The following ZBTB7C variants were observed in gnomAD, a reference collection of about 807,000 sequenced individuals.
ZBTB7C encodes the protein zinc finger and BTB domain-containing protein 7C.
ZBTB7C carries 8 observed loss-of-function variants against 25.7 expected under a neutral mutation model. That is an observed-to-expected ratio of 0.31 (90% CI 0.18 to 0.56). ZBTB7C has a LOEUF of 0.56. Ranked by LOEUF, ZBTB7C falls within the 20% of genes least tolerant of loss-of-function variation. The probability of loss-of-function intolerance (pLI) is 0.91; values close to 1 mark genes in which losing one functional copy is unlikely to be tolerated. For missense variants in ZBTB7C, 824 were observed against 855.2 expected (o/e 0.96, Z 0.46); for synonymous variants, 394 against 369.0 (o/e 1.07, Z -0.78).
intron 1 of ZBTB7C, among the ~76,000 whole-genome samples, chr18:48,350,852 G>A (rs11662736): frequency 0.59 from 90,091 of 151,824 alleles, 27,368 homozygotes; most frequent in East Asian, 0.95. Flanking sequence ...TCCTGGATCC[G>A]TATATAAAAG....
chr18:48,154,463 C>T (rs114669402), intron 3 of ZBTB7C, among the ~76,000 whole-genome samples: 6,028 of 152,302 alleles, frequency 0.04, 131 homozygotes, highest in Middle Eastern at 0.086. Flanking sequence ...ATACCAAAAG[C>T]AAGACCAAGC....
chr18:48,043,810 A>G (rs904373266), intron 3 of ZBTB7C, among the ~76,000 whole-genome samples: 1 of 152,200 alleles, frequency 6.6e-6, no homozygotes, highest in Non-Finnish European at 1.5e-5. Flanking sequence ...CAAAAGAAAA[A>G]GTCTAAGAGA....
chr18:48,400,292 C>A (rs1022545616), intron 1 of ZBTB7C, among the ~76,000 whole-genome samples: 1 of 152,202 alleles, frequency 6.6e-6, no homozygotes, highest in Non-Finnish European at 1.5e-5. Context: ...TACCGCCACC[C>A]TCCTCGAACT....
chr18:48,381,112 T>A (rs1374340932), intron 1 of ZBTB7C, among the ~76,000 whole-genome samples: 1 of 152,208 alleles, frequency 6.6e-6, no homozygotes. Flanking sequence ...CTTGAAGACA[T>A]TCAAAGTTCC....
At chr18:48,117,999 TTC>T (rs1313131567) in intron 3 of ZBTB7C, among the ~76,000 whole-genome samples, 1 of 144,526 alleles carries the variant, frequency 6.9e-6, no homozygotes, top group Non-Finnish European at 1.5e-5. Flanking sequence ...CTTCTTCTTC[TTC>T]TTTTTTTTTT....
chr18:48,192,523 G>A (rs1272088078), intron 2 of ZBTB7C, among the ~76,000 whole-genome samples: 3 of 152,216 alleles, frequency 2.0e-5, no homozygotes, highest in Non-Finnish European at 4.4e-5. Flanking sequence ...GAGTGCAGTG[G>A]TGCGATCTTG....
chr18:48,315,799 T>C (rs545926405), intron 2 of ZBTB7C, among the ~76,000 whole-genome samples: 3 of 152,312 alleles, frequency 2.0e-5, no homozygotes, highest in South Asian at 4.1e-4. Flanking sequence ...CCAGCTCTGA[T>C]ACTTAGGGGT....
At chr18:48,316,104 G>C (rs534381305) in intron 2 of ZBTB7C, among the ~76,000 whole-genome samples, 1 of 151,842 alleles carries the variant, frequency 6.6e-6, no homozygotes, top group South Asian at 2.1e-4. Flanking sequence ...CTGGACACCC[G>C]GCTCCTGCTG....
intron 1 of ZBTB7C, among the ~76,000 whole-genome samples, chr18:48,347,759 TGGAGTTTTCCAGCA>T (rs1247256132): frequency 6.6e-6 from 1 of 152,120 alleles, no homozygotes; most frequent in Non-Finnish European, 1.5e-5. Context: ...AAAAGAGAAT[TGGAGTTTTCCAGCA>T]GGGAGGTAGG....
intron 2 of ZBTB7C, among the ~76,000 whole-genome samples, chr18:48,230,529 C>T (rs2043223090): frequency 6.6e-6 from 1 of 152,218 alleles, no homozygotes; most frequent in Non-Finnish European, 1.5e-5. Context: ...GTGTGCTGCT[C>T]CCATGCCTGG....
intron 1 of ZBTB7C, among the ~76,000 whole-genome samples, chr18:48,380,315 G>A (rs943294168): frequency 2.0e-5 from 3 of 152,162 alleles, no homozygotes; most frequent in South Asian, 2.1e-4. Context: ...GGCTACATGC[G>A]TATATGGGAA....
At chr18:48,215,107 G>A (rs757981814) in intron 2 of ZBTB7C, among the ~76,000 whole-genome samples, 11 of 152,150 alleles carry the variant, frequency 7.2e-5, no homozygotes, top group Non-Finnish European at 1.5e-4. Context: ...TCTCCTCCAG[G>A]TTCTAGGTTA....
chr18:48,084,940 C>T (rs1213120386), intron 3 of ZBTB7C, among the ~76,000 whole-genome samples: 1 of 152,164 alleles, frequency 6.6e-6, no homozygotes, highest in African/African-American at 2.4e-5. Context: ...TCCCCGCTGA[C>T]TGATGCCCAT....
chr18:48,113,397 G>T (rs1005467925), intron 3 of ZBTB7C, among the ~76,000 whole-genome samples: 6 of 152,234 alleles, frequency 3.9e-5, no homozygotes, highest in African/African-American at 1.4e-4. Context: ...AGAAAAGGAA[G>T]ATGAACTCAA....
chr18:48,254,430 A>G (rs983468777), intron 2 of ZBTB7C, among the ~76,000 whole-genome samples: 1 of 152,176 alleles, frequency 6.6e-6, no homozygotes, highest in Non-Finnish European at 1.5e-5. Flanking sequence ...AACATCACAC[A>G]TGGTTGAACC....
chr18:48,159,497 G>T (rs1282666529), intron 3 of ZBTB7C, among the ~76,000 whole-genome samples: 1 of 152,178 alleles, frequency 6.6e-6, no homozygotes, highest in Non-Finnish European at 1.5e-5. Context: ...AAAGTCAGAT[G>T]CATGTTCCTT....
chr18:48,048,620 T>C (rs1355278901), intron 3 of ZBTB7C, among the ~76,000 whole-genome samples: 2 of 152,202 alleles, frequency 1.3e-5, no homozygotes. Context: ...TCCTGATATG[T>C]AGTCAGTGCT....
intron 1 of ZBTB7C, among the ~76,000 whole-genome samples, chr18:48,406,221 C>T (rs1357955399): frequency 1.3e-5 from 2 of 152,136 alleles, no homozygotes; most frequent in African/African-American, 4.8e-5. Context: ...CAACTGCCCA[C>T]CCTCGGTGGG....
At chr18:48,285,025 T>C (rs1453607769) in intron 2 of ZBTB7C, among the ~76,000 whole-genome samples, 2 of 152,216 alleles carry the variant, frequency 1.3e-5, no homozygotes, top group Admixed American at 6.5e-5. Context: ...TGATGTTGAT[T>C]ATTTGACACT....
Sources: allele counts gnomAD v4.1 joint callset (sites outside exome capture counted in the v4.1 genomes callset), GRCh38; gene constraint gnomAD v4.1.1; transcripts MANE v1.5; gene names NCBI Gene and HGNC (gene_info 2026-07-23, HGNC 2026-07-21).